RAB31: variants seen among roughly 807,000 people sequenced by gnomAD.
RAB31 encodes RAB31, member RAS oncogene family, also known as ras-related protein Rab-31.
In RAB31, 21 loss-of-function variants were observed where a neutral mutation model predicts 25.6. The ratio of observed to expected loss-of-function variants is 0.82; its 90% CI spans 0.58 to 1.18. RAB31 has a LOEUF of 1.18. RAB31 is among the 50% of genes most tolerant of loss of function. The pLI, the probability that RAB31 is intolerant of heterozygous loss-of-function variation, is 0.00. For synonymous variants in RAB31, 87 were observed against 84.0 expected, an observed-to-expected ratio of 1.04 and a Z score of -0.20; for missense variants, 196 against 250.1, an observed-to-expected ratio of 0.78 and a Z score of 1.46.
At chr18:9,792,550 C>T (rs996051773) in intron 3 of RAB31, among the ~76,000 whole-genome samples, 1 of 152,178 alleles carries the variant, frequency 6.6e-6, no homozygotes, top group Admixed American at 6.5e-5. Context: ...CTCACCCTCC[C>T]TCCTTACCTC....
intron 1 of RAB31, among the ~76,000 whole-genome samples, chr18:9,754,149 G>A (rs529448710): frequency 2.8e-4 from 43 of 152,292 alleles, no homozygotes; most frequent in African/African-American, 7.9e-4. Context: ...GTCCTTGTTT[G>A]TGCATCTTAC....
rs1431937490 is a variant in RAB31, at chr18:9,772,333, TCA to T, written c.40-2943_40-2942del. On this transcript the variant is annotated intron_variant, in intron 1 of 6. Coordinates refer to ENST00000578921, the MANE Select transcript of RAB31 (RefSeq NM_006868.4). ...GCACACAGAAACCAGGCGAGGTTTG[TCA>T]CTGGGTGATAGGGTAAGCCTGGGTA... Among the ~76,000 whole-genome samples the T allele has an allele frequency of 3.9e-5, 6 of 151,920 alleles. 1 individual carries two copies. Among genetic ancestry groups the T allele is most frequent in the Admixed American group, 2.6e-4 (4 of 15,246 alleles).
At chr18:9,762,251 T>C (rs2068292995) in intron 1 of RAB31, among the ~76,000 whole-genome samples, 1 of 152,252 alleles carries the variant, frequency 6.6e-6, no homozygotes, top group South Asian at 2.1e-4. Context: ...TTTTAGAAGC[T>C]GCCTACTGCA....
chr18:9,720,951 A>T (rs1397934212), intron 1 of RAB31, among the ~76,000 whole-genome samples: 2 of 152,086 alleles, frequency 1.3e-5, no homozygotes, highest in Non-Finnish European at 2.9e-5. Flanking sequence ...CTTAGCAGGT[A>T]GTGCTGTGCT....
At chr18:9,771,972 T>G (rs2068347550) in intron 1 of RAB31, among the ~76,000 whole-genome samples, 1 of 152,236 alleles carries the variant, frequency 6.6e-6, no homozygotes, top group South Asian at 2.1e-4. Flanking sequence ...TTGAGCAGAC[T>G]TGCTGCTGTA....
In RAB31 at chr18:9,751,723, AAAG is replaced by A. The variant is rs1274922938; in HGVS notation, c.40-23554_40-23552del. 1.4e-4 allele frequency among the ~76,000 whole-genome samples: 22 copies of A among 152,222 alleles called. 1 individual carries two copies. Among genetic ancestry groups the A allele is most frequent in the Admixed American group, 6.5e-5 (1 of 15,280 alleles). ...AGAAACTTGAGCTGGTGCACGTAAA[AAAG>A]TGGTTCATTTAATGATGTAACGGCA... On this transcript the variant is annotated intron_variant, in intron 1 of 6. Coordinates refer to ENST00000578921, the MANE Select transcript of RAB31 (RefSeq NM_006868.4).
At chr18:9,712,939 G>A (rs943076367) in intron 1 of RAB31, among the ~76,000 whole-genome samples, 1 of 152,154 alleles carries the variant, frequency 6.6e-6, no homozygotes, top group African/African-American at 2.4e-5. Context: ...AATGTATATG[G>A]TGGCTCATTA....
Position 9,859,451 on chromosome 18 carries a change from C to A in RAB31, c.*126C>A. On this transcript the variant is annotated 3_prime_UTR_variant, in exon 7 of 7. Coordinates refer to ENST00000578921, the MANE Select transcript of RAB31 (RefSeq NM_006868.4). ...AGAGTGAGCACACTGGCTTTGCATC[C>A]TGGAAGACCTGCAGGGGGCGGGGCA... 2 of 745,344 alleles carry A rather than the reference C, an allele frequency of 2.7e-6. No homozygotes were observed. The highest frequency in any genetic ancestry group is 2.1e-6 in the Non-Finnish European group (1 of 469,314). The allele number at this position is 745,344 out of a possible 1,614,324, so 46.2% of individuals were successfully genotyped here. A position where few individuals can be genotyped will look rare whatever the true frequency, so the allele number is the denominator to read the frequency against.
At chr18:9,778,319 A>G (rs7230347) in intron 2 of RAB31, among the ~76,000 whole-genome samples, 98,394 of 151,860 alleles carry the variant, frequency 0.65, 31,992 homozygotes, top group Admixed American at 0.7. Flanking sequence ...CCATTTTGGA[A>G]ACAAACACAG....
At chr18:9,829,246 T>G (rs148623492) in intron 5 of RAB31, among the ~76,000 whole-genome samples, 1 of 152,196 alleles carries the variant, frequency 6.6e-6, no homozygotes, top group South Asian at 2.1e-4. Context: ...GTTTTCGTTA[T>G]GCTTTACACC....
intron 1 of RAB31, among the ~76,000 whole-genome samples, chr18:9,710,166 T>C (rs1174540449): frequency 6.6e-6 from 1 of 152,170 alleles, no homozygotes; most frequent in Non-Finnish European, 1.5e-5. Context: ...GAACCCTGTG[T>C]CAAGAGGCAG....
At chr18:9,737,396 G>A (rs1385828636) in intron 1 of RAB31, among the ~76,000 whole-genome samples, 1 of 152,134 alleles carries the variant, frequency 6.6e-6, no homozygotes, top group Non-Finnish European at 1.5e-5. Flanking sequence ...TAGTTATGTA[G>A]AATATAAATA....
At chr18:9,747,569 A>G (rs546708104) in intron 1 of RAB31, among the ~76,000 whole-genome samples, 1 of 152,358 alleles carries the variant, frequency 6.6e-6, no homozygotes, top group African/African-American at 2.4e-5. Flanking sequence ...ATGTGGATGA[A>G]CCTTGAAAAC....
chr18:9,788,868 G>A (rs151215286), intron 2 of RAB31, among the ~76,000 whole-genome samples: 207 of 152,346 alleles, frequency 1.4e-3, no homozygotes, highest in African/African-American at 4.8e-3. Context: ...TACTTGGGAG[G>A]CTGGGGCAGG....
At chr18:9,826,850 TC>T (rs1375571129) in intron 5 of RAB31, among the ~76,000 whole-genome samples, 1 of 121,880 alleles carries the variant, frequency 8.2e-6, no homozygotes, top group Admixed American at 8.3e-5. Context: ...GTGGCCAGGA[TC>T]CTCCGCGAAG....
Position 9,814,134 on chromosome 18 carries a change from T to C in RAB31, c.273+43T>C, listed in dbSNP as rs778981721. 14 of 1,417,526 alleles carry C rather than the reference T, an allele frequency of 9.9e-6. No homozygotes were observed. The South Asian group carries it at 1.5e-4, about 15-fold the overall frequency. The allele number at this position is 1,417,526 out of a possible 1,614,324, so 87.8% of individuals were successfully genotyped here. On this transcript the variant is annotated intron_variant, in intron 4 of 6. Coordinates refer to ENST00000578921, the MANE Select transcript of RAB31 (RefSeq NM_006868.4). ...AGAATTTAGATGTCATTTATGGTGG[T>C]TCTCTCACTTAGAGAGACTGGAGCA... is the stretch of plus-strand genomic sequence containing the variant.
Position 9,719,298 on chromosome 18 carries a change from A to AAT in RAB31, c.39+10884_39+10885dup, listed in dbSNP as rs71168101. On this transcript the variant is annotated intron_variant, in intron 1 of 6. Coordinates refer to ENST00000578921, the MANE Select transcript of RAB31 (RefSeq NM_006868.4). ...AAAAAAAAAAAAAAAAAAAAAAAAAAATATATATATATATATATATATATA... is the reference window on the plus strand; with the variant it reads ...AAAAAAAAAAAAAAAAAAAAAAAAAAATATATATATATATATATATATATATA... 2.7e-3 allele frequency among the ~76,000 whole-genome samples: 62 copies of AAT among 23,102 alleles called. 1 individual carries two copies. Among genetic ancestry groups the AAT allele is most frequent in the African/African-American group, 6.7e-3 (54 of 8,086 alleles). 15.2% of individuals were successfully genotyped at this position (23,102 alleles called of 152,430 possible). A position where few individuals can be genotyped will look rare whatever the true frequency, so the allele number is the denominator to read the frequency against.
intron 2 of RAB31, among the ~76,000 whole-genome samples, chr18:9,783,191 C>T (rs981829074): frequency 2.0e-5 from 3 of 152,132 alleles, no homozygotes; most frequent in African/African-American, 7.2e-5. Flanking sequence ...CCTATATGTC[C>T]CTACAAACAC....
At chr18:9,780,923 A>T (rs765878550) in intron 2 of RAB31, among the ~76,000 whole-genome samples, 63 of 150,616 alleles carry the variant, frequency 4.2e-4, no homozygotes, top group Non-Finnish European at 6.6e-4. Context: ...AGACAGAGTG[A>T]GACTCTTGTC....
Sources: gnomAD v4.1 joint callset for allele counts (sites outside exome capture counted in the v4.1 genomes callset) on GRCh38, gnomAD v4.1.1 for gene constraint, MANE v1.5 for transcripts, NCBI Gene and HGNC (gene_info 2026-07-23, HGNC 2026-07-21) for gene names.